The following KCNH7 variants were observed in gnomAD, a reference collection of about 807,000 sequenced individuals.
KCNH7 encodes potassium voltage-gated channel subfamily H member 7.
KCNH7 carries 49 observed loss-of-function variants against 120.8 expected under a neutral mutation model. That is an observed-to-expected ratio of 0.41 (90% CI 0.32 to 0.51). KCNH7 has a LOEUF of 0.51. Ranked by LOEUF, KCNH7 falls within the 20% of genes least tolerant of loss-of-function variation. The pLI is 0.38. For missense variants in KCNH7, 1,097 were observed against 1,446.6 expected (o/e 0.76, Z 3.92); for synonymous variants, 547 against 516.1 (o/e 1.06, Z -0.81).
rs200321479 is a variant in KCNH7 at position 162,400,164 on chromosome 2, C to T, written c.2407+25G>A. On this transcript the variant is annotated intron_variant, in intron 10 of 15. Transcript: ENST00000332142. ...ATTACAAGCTAATAACTGAATCTGT[C>T]ACCATGCACTTCTAAAACACTCACC... 6.8e-6 allele frequency: 11 copies of T among 1,607,980 alleles called. No homozygotes were observed. In the East Asian group the frequency reaches 2.0e-4, roughly 29 times the overall value.
intron 2 of KCNH7, among the ~76,000 whole-genome samples, chr2:162,709,010 G>T (rs974213588): frequency 2.0e-5 from 3 of 152,050 alleles, no homozygotes; most frequent in Non-Finnish European, 4.4e-5. Context: ...AAGAATCAAG[G>T]TTAGACTTTA....
At chr2:162,768,640 G>T (rs2105466818) in intron 2 of KCNH7, among the ~76,000 whole-genome samples, 1 of 152,244 alleles carries the variant, frequency 6.6e-6, no homozygotes, top group African/African-American at 2.4e-5. Context: ...GATGAAGGAA[G>T]GTTTGGGAAA....
chr2:162,602,549 G>T (rs779992830), intron 2 of KCNH7, among the ~76,000 whole-genome samples: 2 of 151,940 alleles, frequency 1.3e-5, no homozygotes, highest in African/African-American at 4.8e-5. Flanking sequence ...GCCATCACAG[G>T]GCCTTTGCAC....
intron 2 of KCNH7, among the ~76,000 whole-genome samples, chr2:162,670,259 G>C (rs115318401): frequency 0.044 from 6,748 of 151,728 alleles, 207 homozygotes; most frequent in Middle Eastern, 0.11. Context: ...GATCACCTGA[G>C]GTCAGGAGTT....
chr2:162,409,155 A>G (rs1687314415), intron 9 of KCNH7, among the ~76,000 whole-genome samples: 1 of 151,884 alleles, frequency 6.6e-6, no homozygotes, highest in Non-Finnish European at 1.5e-5. Flanking sequence ...AATTCCGTGA[A>G]TAAAATCAAA....
intron 2 of KCNH7, among the ~76,000 whole-genome samples, chr2:162,801,393 A>C (rs1431195419): frequency 6.6e-6 from 1 of 151,796 alleles, no homozygotes; most frequent in African/African-American, 2.4e-5. Flanking sequence ...AGTTGGAATA[A>C]AAAAATTAGT....
chr2:162,753,031 A>AAGAAAAGAAAAGAAAAGAAAAAG (rs1559116574), intron 2 of KCNH7, among the ~76,000 whole-genome samples: 1 of 127,766 alleles, frequency 7.8e-6, no homozygotes, highest in African/African-American at 3.4e-5. Flanking sequence ...AAGAAAAGAA[A>AAGAAAAGAAAAGAAAAGAAAAAG]CCCTGACTAA....
chr2:162,803,989 G>A (rs1278140184), intron 2 of KCNH7, among the ~76,000 whole-genome samples: 2 of 151,728 alleles, frequency 1.3e-5, no homozygotes, highest in East Asian at 3.9e-4. Flanking sequence ...ACTTTTGAAA[G>A]TAAAAGTATA....
At chr2:162,453,415 A>C (rs894870222) in intron 6 of KCNH7, among the ~76,000 whole-genome samples, 1 of 152,174 alleles carries the variant, frequency 6.6e-6, no homozygotes, top group Non-Finnish European at 1.5e-5. Flanking sequence ...ATAGTGCTGC[A>C]ATGAACATAC....
rs115971334 is a variant in KCNH7 at position 162,636,946 on chromosome 2, G to T, written c.308-99866C>A. 3.1e-3 allele frequency among the ~76,000 whole-genome samples: 477 copies of T among 152,140 alleles called. 1 individual carries two copies. Among genetic ancestry groups the T allele is most frequent in the African/African-American group, 0.011 (457 of 41,526 alleles). ...TCTTCACTTAATCTAGGGACACTTGGCTGCTTGCCACCACCCTCCCCACCA... is the reference window on the plus strand; with the variant it reads ...TCTTCACTTAATCTAGGGACACTTGTCTGCTTGCCACCACCCTCCCCACCA... On this transcript the variant is annotated intron_variant, in intron 2 of 15. Coordinates refer to ENST00000332142, the MANE Select transcript of KCNH7 (RefSeq NM_033272.4).
chr2:162,588,791 C>T (rs990674400), intron 2 of KCNH7, among the ~76,000 whole-genome samples: 5 of 152,050 alleles, frequency 3.3e-5, no homozygotes, highest in African/African-American at 7.2e-5. Context: ...GTTAACTACA[C>T]TCATCCTGCA....
chr2:162,489,651 AT>A (rs1690224872), intron 6 of KCNH7, among the ~76,000 whole-genome samples: 1 of 152,238 alleles, frequency 6.6e-6, no homozygotes, highest in South Asian at 2.1e-4. Flanking sequence ...TTTGACTTAT[AT>A]TTAGCAAACA....
intron 2 of KCNH7, among the ~76,000 whole-genome samples, chr2:162,697,326 A>G (rs1686329543): frequency 6.6e-6 from 1 of 152,162 alleles, no homozygotes; most frequent in African/African-American, 2.4e-5. Flanking sequence ...CAAAATGCAC[A>G]CTGGGAACTC....
At chr2:162,506,500 A>G (rs1333143151) in intron 5 of KCNH7, among the ~76,000 whole-genome samples, 1 of 151,780 alleles carries the variant, frequency 6.6e-6, no homozygotes, top group Non-Finnish European at 1.5e-5. Flanking sequence ...CTAATGTCCT[A>G]TTTTCAATCC....
At chr2:162,415,549 C>T (rs1687513575) in intron 9 of KCNH7, among the ~76,000 whole-genome samples, 1 of 152,198 alleles carries the variant, frequency 6.6e-6, no homozygotes, top group Admixed American at 6.6e-5. Context: ...TGATTCTATA[C>T]TTTAATTTGA....
At chr2:162,743,743 A>T (rs144035342) in intron 2 of KCNH7, among the ~76,000 whole-genome samples, 1 of 152,196 alleles carries the variant, frequency 6.6e-6, no homozygotes. Context: ...GATTGTAAAG[A>T]TGTCCTTAAA....
At chr2:162,668,520 T>C (rs1685226892) in intron 2 of KCNH7, among the ~76,000 whole-genome samples, 1 of 152,178 alleles carries the variant, frequency 6.6e-6, no homozygotes, top group African/African-American at 2.4e-5. Context: ...GAGCCATCTG[T>C]AAAATGCCAA....
intron 1 of KCNH7, among the ~76,000 whole-genome samples, chr2:162,838,232 C>T (rs1330488214): frequency 6.6e-6 from 1 of 152,114 alleles, no homozygotes; most frequent in Non-Finnish European, 1.5e-5. Flanking sequence ...ATCAAATTGC[C>T]TCCTATAATG....
chr2:162,716,910 T>C (rs909730081), intron 2 of KCNH7, among the ~76,000 whole-genome samples: 1 of 152,154 alleles, frequency 6.6e-6, no homozygotes, highest in Non-Finnish European at 1.5e-5. Flanking sequence ...TTCTGGTTGT[T>C]AAAAATGTCT....
Sources: allele counts gnomAD v4.1 joint callset (sites outside exome capture counted in the v4.1 genomes callset), GRCh38; gene constraint gnomAD v4.1.1; transcripts MANE v1.5; gene names NCBI Gene and HGNC (gene_info 2026-07-23, HGNC 2026-07-21).